Variants in GALNT17 observed in about 807,000 individuals in gnomAD.
GALNT17 encodes polypeptide N-acetylgalactosaminyltransferase 17.
A neutral mutation model predicts 63.7 loss-of-function variants in GALNT17; 29 were observed. The observed-to-expected ratio is 0.46, with a 90% CI of 0.34 to 0.62. The LOEUF is 0.62. Among genes scored for constraint, GALNT17 ranks in the 20% least tolerant of loss-of-function variants. The pLI is 0.01. For missense variants in GALNT17, 603 were observed against 799.6 expected (o/e 0.75, Z 2.97); for synonymous variants, 305 against 318.3 (o/e 0.96, Z 0.45).
At chr7:71,623,322 A>C (rs1359614869) in intron 6 of GALNT17, among the ~76,000 whole-genome samples, 2 of 150,824 alleles carry the variant, frequency 1.3e-5, no homozygotes, top group Non-Finnish European at 2.9e-5. Context: ...AAATACATGC[A>C]AATGACTAAA....
At chr7:71,392,798 T>G (rs1400739063) in intron 3 of GALNT17, among the ~76,000 whole-genome samples, 1 of 151,964 alleles carries the variant, frequency 6.6e-6, no homozygotes, top group Non-Finnish European at 1.5e-5. Context: ...TCTTTTCAGT[T>G]CCTGGTTCTG....
chr7:71,139,100 TTCTC>T (rs1200965687), intron 1 of GALNT17, among the ~76,000 whole-genome samples: 1 of 152,244 alleles, frequency 6.6e-6, no homozygotes, highest in Admixed American at 6.5e-5. Flanking sequence ...AGTTACTTAT[TTCTC>T]TCATTTTAGA....
intron 5 of GALNT17, among the ~76,000 whole-genome samples, chr7:71,426,498 A>T (rs1376944292): frequency 3.3e-5 from 5 of 152,212 alleles, no homozygotes; most frequent in Non-Finnish European, 7.3e-5. Context: ...TAATTTATAA[A>T]GGAAAGAGGT....
chr7:71,637,940 C>G (rs1790551071), intron 6 of GALNT17, among the ~76,000 whole-genome samples: 1 of 152,174 alleles, frequency 6.6e-6, no homozygotes, highest in South Asian at 2.1e-4. Flanking sequence ...GATGGCTACT[C>G]CATAGGCAGA....
At chr7:71,543,601 A>G (rs76891273) in intron 5 of GALNT17, among the ~76,000 whole-genome samples, 1,953 of 152,204 alleles carry the variant, frequency 0.013, 27 homozygotes, top group African/African-American at 0.04. Flanking sequence ...GATATCCACA[A>G]GCTCATTCTG....
intron 5 of GALNT17, among the ~76,000 whole-genome samples, chr7:71,523,761 A>AAATAAATG (rs1788569017): frequency 6.8e-6 from 1 of 146,440 alleles, no homozygotes; most frequent in African/African-American, 2.6e-5. Context: ...ATAAATAAAT[A>AAATAAATG]AATAAATAAA....
intron 5 of GALNT17, among the ~76,000 whole-genome samples, chr7:71,562,160 T>C (rs1235414705): frequency 1.3e-5 from 2 of 152,044 alleles, no homozygotes; most frequent in African/African-American, 4.8e-5. Context: ...ATACATAGTC[T>C]CACTATGCTG....
At chr7:71,647,799 C>T (rs1423831468) in intron 6 of GALNT17, among the ~76,000 whole-genome samples, 1 of 152,218 alleles carries the variant, frequency 6.6e-6, no homozygotes, top group Non-Finnish European at 1.5e-5. Context: ...AATCCTTCAG[C>T]TTGCTCTGCT....
At chr7:71,342,920 A>C (rs1405965424) in intron 2 of GALNT17, among the ~76,000 whole-genome samples, 1 of 152,242 alleles carries the variant, frequency 6.6e-6, no homozygotes, top group Non-Finnish European at 1.5e-5. Context: ...TGTGGGATGA[A>C]AGTACAGTAG....
intron 9 of GALNT17, among the ~76,000 whole-genome samples, chr7:71,694,884 G>A (rs1228453407): frequency 6.6e-6 from 1 of 152,202 alleles, no homozygotes. Context: ...TAGTTGGCAA[G>A]CGAAGAAAGT....
At chr7:71,325,872 G>A (rs953205178) in intron 1 of GALNT17, among the ~76,000 whole-genome samples, 2 of 152,086 alleles carry the variant, frequency 1.3e-5, no homozygotes, top group African/African-American at 4.8e-5. Context: ...CAAAAGTGGA[G>A]GTTATTTTTA....
At chr7:71,242,790 G>A (rs1305389221) in intron 1 of GALNT17, among the ~76,000 whole-genome samples, 6 of 152,166 alleles carry the variant, frequency 3.9e-5, no homozygotes, top group African/African-American at 1.2e-4. Context: ...GTCATTTTAG[G>A]TCTCTGTCAC....
At chr7:71,658,761 G>A (rs537001499) in intron 6 of GALNT17, among the ~76,000 whole-genome samples, 1 of 151,934 alleles carries the variant, frequency 6.6e-6, no homozygotes, top group Non-Finnish European at 1.5e-5. Context: ...GGTGGCACAC[G>A]CCTGTCATCC....
chr7:71,364,504 G>T (rs193172728), intron 2 of GALNT17, among the ~76,000 whole-genome samples: 14 of 152,252 alleles, frequency 9.2e-5, no homozygotes, highest in Non-Finnish European at 1.5e-4. Context: ...CAGGTAAATG[G>T]CATTCCTGGC....
At chr7:71,693,165 ATATAC>A (rs560412699) in intron 9 of GALNT17, among the ~76,000 whole-genome samples, 1 of 150,136 alleles carries the variant, frequency 6.7e-6, no homozygotes, top group Non-Finnish European at 1.5e-5. Context: ...ATATTTAAGT[ATATAC>A]TATAATATAA....
rs190434311 is a variant in GALNT17 at position 71,652,785 on chromosome 7, A to G, written c.1081-12626A>G. ...AATTCCTGTCAGTAGGAAGGAAGAC[A>G]TCAGAGACACATGCTCCAGAGGTGG... On this transcript the variant is annotated intron_variant, in intron 6 of 10. Transcript: ENST00000333538. Among the ~76,000 whole-genome samples the G allele has an allele frequency of 2.6e-5, 4 of 152,358 alleles. No homozygotes were observed. The East Asian group carries it at 7.7e-4, about 29-fold the overall frequency.
At chr7:71,414,284 TAGAA>T (rs914475644) in intron 3 of GALNT17, among the ~76,000 whole-genome samples, 11 of 152,164 alleles carry the variant, frequency 7.2e-5, no homozygotes, top group Admixed American at 3.3e-4. Context: ...ATTGGCTAGT[TAGAA>T]AGACAATCTG....
chr7:71,430,701 A>T (rs964148289), intron 5 of GALNT17, among the ~76,000 whole-genome samples: 1 of 152,204 alleles, frequency 6.6e-6, no homozygotes, highest in Non-Finnish European at 1.5e-5. Context: ...AGACTCCTTT[A>T]GTTGAAAGGG....
At chr7:71,305,311 T>A (rs1451387454) in intron 1 of GALNT17, among the ~76,000 whole-genome samples, 2 of 152,216 alleles carry the variant, frequency 1.3e-5, no homozygotes, top group Non-Finnish European at 2.9e-5. Flanking sequence ...ATGGAAAACT[T>A]CTTCAGTTAG....
Sources: gnomAD v4.1 joint callset for allele counts (sites outside exome capture counted in the v4.1 genomes callset) on GRCh38, gnomAD v4.1.1 for gene constraint, MANE v1.5 for transcripts, NCBI Gene and HGNC (gene_info 2026-07-23, HGNC 2026-07-21) for gene names.